The following ZNF136 variants were observed in gnomAD, a reference collection of about 807,000 sequenced individuals.
The protein encoded by ZNF136 is zinc finger protein 136.
In ZNF136, 8 loss-of-function variants were observed where a neutral mutation model predicts 11.4. The observed-to-expected ratio is 0.70, with a 90% CI of 0.41 to 1.27. ZNF136 has a LOEUF of 1.27. Among genes scored for constraint, ZNF136 ranks in the 50% most tolerant of loss-of-function variants. The probability of loss-of-function intolerance (pLI) is 0.01; values close to 1 mark genes in which losing one functional copy is unlikely to be tolerated. For missense variants in ZNF136, 590 were observed against 656.5 expected (o/e 0.90, Z 1.11); for synonymous variants, 190 against 207.1 (o/e 0.92, Z 0.71).
At chr19:12,168,993 T>C (rs1483963033) in intron 1 of ZNF136, among the ~76,000 whole-genome samples, 1 of 152,186 alleles carries the variant, frequency 6.6e-6, no homozygotes, top group Non-Finnish European at 1.5e-5. Context: ...ACTTGTGTTT[T>C]TCTGAGTTCT....
At chr19:12,163,924 G>A (rs1977148521) in intron 1 of ZNF136, 1 of 152,156 alleles carries the variant, frequency 6.6e-6, no homozygotes, top group African/African-American at 2.4e-5. Flanking sequence ...TTGAGTTGAG[G>A]TTCCCCTTTG....
intron 1 of ZNF136, among the ~76,000 whole-genome samples, chr19:12,178,309 C>T (rs1914849900): frequency 1.3e-5 from 2 of 152,198 alleles, no homozygotes; most frequent in Admixed American, 1.3e-4. Context: ...TTGACATCCA[C>T]ATCCACAATG....
At chr19:12,179,053 T>A (rs922805797) in intron 1 of ZNF136, among the ~76,000 whole-genome samples, 1 of 152,024 alleles carries the variant, frequency 6.6e-6, no homozygotes, top group Admixed American at 6.6e-5. Flanking sequence ...ATTCTGTGCA[T>A]ACAATTTTAG....
intron 1 of ZNF136, among the ~76,000 whole-genome samples, chr19:12,170,667 A>ATT (rs35653880): frequency 2.0e-4 from 29 of 142,392 alleles, no homozygotes; most frequent in African/African-American, 2.8e-4. Context: ...TGCTTCATAA[A>ATT]TTTTTTTTTT....
At position 12,186,726 on chromosome 19, in the gene ZNF136, C is replaced by T; in HGVS notation, c.348C>T (p.Ser116=). Residue 116 remains serine, a synonymous_variant, in exon 4 of 4, where the codon TCC becomes TCT. Coordinates refer to ENST00000343979, the MANE Select transcript of ZNF136 (RefSeq NM_003437.5). The stretch of plus-strand genomic sequence containing the variant: ...GAGAAGTCAGCATGGGTCAGTCATC[C>T]CTTAATAGACACATCAAAGATCACA... The part of the protein sequence containing the change: ...VYGEVSMGQS[S]LNRHIKDHSG... 7 of 1,614,024 alleles carry T rather than the reference C, an allele frequency of 4.3e-6. No homozygotes were observed. Among genetic ancestry groups the T allele is most frequent in the Non-Finnish European group, 5.9e-6 (7 of 1,179,994 alleles).
In ZNF136 at chr19:12,187,356, T is replaced by A; in HGVS notation, c.978T>A (p.His326Gln). 5 of 1,614,122 alleles carry A rather than the reference T, an allele frequency of 3.1e-6. No homozygotes were observed. Among genetic ancestry groups the A allele is most frequent in the Non-Finnish European group, 4.2e-6 (5 of 1,179,992 alleles). ...AFSYLPSLRLHERIHTGEKPF... is the reference protein window; with the variant it reads ...AFSYLPSLRLQERIHTGEKPF... Reference sequence around the variant, plus strand: ...GTTATCTCCCCTCCCTTCGACTACATGAAAGAATTCACACTGGTGAGAAAC... The same window carrying A: ...GTTATCTCCCCTCCCTTCGACTACAAGAAAGAATTCACACTGGTGAGAAAC... Residue 326 changes from histidine to glutamine, a missense_variant, in exon 4 of 4, where the codon CAT (histidine) becomes CAA (glutamine). Transcript: ENST00000343979.
intron 1 of ZNF136, among the ~76,000 whole-genome samples, chr19:12,169,569 CCTT>C (rs1254641458): frequency 4.0e-5 from 6 of 151,656 alleles, no homozygotes; most frequent in Non-Finnish European, 5.9e-5. Flanking sequence ...ATTTCATCCT[CCTT>C]CTCTGTACCC....
At chr19:12,173,648 T>C (rs1215871858) in intron 1 of ZNF136, among the ~76,000 whole-genome samples, 1 of 152,138 alleles carries the variant, frequency 6.6e-6, no homozygotes, top group African/African-American at 2.4e-5. Flanking sequence ...CTTGTAAACG[T>C]GTTTTCCCGA....
intron 3 of ZNF136, 24 bp from the exon 4 acceptor site, chr19:12,186,546 T>C (rs983099812): frequency 1.3e-6 from 2 of 1,537,190 alleles, no homozygotes; most frequent in Non-Finnish European, 1.8e-6. Flanking sequence ...AAATCCTTAG[T>C]AATGTCCGTC....
chr19:12,173,720 T>TC (rs1914718357), intron 1 of ZNF136, among the ~76,000 whole-genome samples: 1 of 152,134 alleles, frequency 6.6e-6, no homozygotes, highest in African/African-American at 2.4e-5. Context: ...GACCCTCAAT[T>TC]TGAAGCCTGT....
chr19:12,164,287 G>A (rs1327942388), intron 1 of ZNF136, among the ~76,000 whole-genome samples: 1 of 152,058 alleles, frequency 6.6e-6, no homozygotes, highest in Admixed American at 6.6e-5. Flanking sequence ...TTTTTTGTGT[G>A]TTTTGAAAGA....
intron 1 of ZNF136, among the ~76,000 whole-genome samples, chr19:12,181,530 TG>T (rs1355453201): frequency 6.6e-5 from 10 of 151,790 alleles, no homozygotes; most frequent in Admixed American, 6.6e-5. Flanking sequence ...TGGAATGCAG[TG>T]GCGCAATCTC....
At position 12,187,793 on chromosome 19, in the gene ZNF136, G is replaced by C. The variant is rs1176131842; in HGVS notation, c.1415G>C (p.Gly472Ala). 6.2e-7 allele frequency: 1 copy of C among 1,609,400 alleles called. No individual in the cohort carries two copies. Among genetic ancestry groups the C allele is most frequent in the Non-Finnish European group, 8.5e-7 (1 of 1,178,486 alleles). ...CGAACACATGAAATGATTCACACTGGTGAGAAACCCTTTGAATGTAAGCGA... is the reference window on the plus strand; with the variant it reads ...CGAACACATGAAATGATTCACACTGCTGAGAAACCCTTTGAATGTAAGCGA... ...SFRTHEMIHT[G>A]EKPFECKRCG... The change falls in exon 4 of 4, where the codon GGT becomes GCT. Residue 472 changes from glycine to alanine, a missense_variant. Coordinates refer to ENST00000343979, the MANE Select transcript of ZNF136 (RefSeq NM_003437.5).
At position 12,189,116 on chromosome 19, in the gene ZNF136, A is replaced by G. The variant is rs958220227; in HGVS notation, c.*1115A>G. 1 of 152,174 alleles carries G rather than the reference A, an allele frequency of 6.6e-6. No individual in the cohort carries two copies. The highest frequency in any genetic ancestry group is 1.5e-5 in the Non-Finnish European group (1 of 68,024). 9.4% of individuals were successfully genotyped at this position (152,174 alleles called of 1,614,324 possible). On this transcript the variant is annotated 3_prime_UTR_variant, in exon 4 of 4. Coordinates refer to ENST00000343979, the MANE Select transcript of ZNF136 (RefSeq NM_003437.5). ...TAAAATATTTGTCTTTCCATTTTGA[A>G]ATGTGTTTAATCCAACAATGAATTT... is the stretch of plus-strand genomic sequence containing the variant.
chr19:12,168,897 C>T (rs1372199933), intron 1 of ZNF136, among the ~76,000 whole-genome samples: 1 of 152,090 alleles, frequency 6.6e-6, no homozygotes, highest in Non-Finnish European at 1.5e-5. Context: ...ACGCTGGTCT[C>T]GAACTCCTGA....
chr19:12,175,196 A>ATT (rs111509960), intron 1 of ZNF136, among the ~76,000 whole-genome samples: 13 of 142,966 alleles, frequency 9.1e-5, no homozygotes, highest in African/African-American at 1.0e-4. Flanking sequence ...TTTTCTTTCG[A>ATT]TTTTTTTTTT....
At chr19:12,170,660 T>C (rs947740915) in intron 1 of ZNF136, among the ~76,000 whole-genome samples, 1 of 146,786 alleles carries the variant, frequency 6.8e-6, no homozygotes, top group Non-Finnish European at 1.5e-5. Flanking sequence ...CCAGCCATGC[T>C]TCATAAATTT....
rs780878609 is a variant in ZNF136 at position 12,186,657 on chromosome 19, C to G, written c.279C>G (p.Ser93Arg). ...IFSQFANQNLSKKIPGVKLCE... is the reference protein window; with the variant it reads ...IFSQFANQNLRKKIPGVKLCE... ...GCCAGTTTGCAAATCAGAATCTGAG[C>G]AAGAAAATCCCTGGAGTGAAACTCT... The change falls in exon 4 of 4, where the codon AGC becomes AGG. Residue 93 changes from serine to arginine, a missense_variant. By Grantham distance (110) the Ser-to-Arg change is moderately radical. Transcript: ENST00000343979. The G allele has an allele frequency of 2.5e-6, 4 of 1,614,074 alleles. No individual in the cohort carries two copies. Among genetic ancestry groups the G allele is most frequent in the Non-Finnish European group, 3.4e-6 (4 of 1,179,984 alleles).
At chr19:12,178,255 A>T (rs1377443031) in intron 1 of ZNF136, among the ~76,000 whole-genome samples, 2 of 151,960 alleles carry the variant, frequency 1.3e-5, no homozygotes, top group Non-Finnish European at 2.9e-5. Flanking sequence ...CTGCCTTTCC[A>T]CTCTGTTAAT....
Sources: allele counts gnomAD v4.1 joint callset (sites outside exome capture counted in the v4.1 genomes callset), GRCh38; gene constraint gnomAD v4.1.1; transcripts MANE v1.5; gene names NCBI Gene and HGNC (gene_info 2026-07-23, HGNC 2026-07-21).